Variants in NEURL1B observed in about 807,000 individuals in gnomAD.
NEURL1B encodes the protein E3 ubiquitin-protein ligase NEURL1B.
In NEURL1B, 13 loss-of-function variants were observed where a neutral mutation model predicts 37.4. The observed-to-expected ratio is 0.35, with a 90% confidence interval of 0.23 to 0.55. NEURL1B has a LOEUF of 0.55. Ranked by LOEUF, NEURL1B falls within the 20% of genes least tolerant of loss-of-function variation. The pLI, the probability that NEURL1B is intolerant of heterozygous loss-of-function variation, is 0.89. For synonymous variants in NEURL1B, 432 were observed against 426.6 expected, an observed-to-expected ratio of 1.01 and a Z score of -0.16; for missense variants, 790 against 879.2, an observed-to-expected ratio of 0.90 and a Z score of 1.28.
chr5:172,684,385 C>G (rs549415058), intron 3 of NEURL1B, among the ~76,000 whole-genome samples: 50 of 152,140 alleles, frequency 3.3e-4, no homozygotes, highest in Admixed American at 1.2e-3. Flanking sequence ...CCGACAAGTG[C>G]CCGGAGATGC....
chr5:172,671,989 A>AT (rs1372269754), intron 2 of NEURL1B, among the ~76,000 whole-genome samples: 1 of 152,106 alleles, frequency 6.6e-6, no homozygotes, highest in Non-Finnish European at 1.5e-5. Context: ...TGTGCCTCAG[A>AT]TTTTTTTTCA....
Position 172,683,889 on chromosome 5 carries a change from C to T in NEURL1B, c.1048C>T (p.Leu350=). ...FGITSCDPGV[L]RPNELPADPD... ...CATCACGTCGTGCGACCCGGGCGTG[C>T]TACGGCCCAACGAGCTGCCCGCCGA... The change falls in exon 3 of 5, where the codon CTA becomes TTA. Residue 350 remains leucine, a synonymous_variant. Transcript: ENST00000369800. This position sits in a 1 kb window ranked among gnomAD's most constrained non-coding sequence, Gnocchi z 5.6. 1 of 1,413,084 alleles carries T rather than the reference C, an allele frequency of 7.1e-7. No individual in the cohort carries two copies. Among genetic ancestry groups the T allele is most frequent in the South Asian group, 1.4e-5 (1 of 73,542 alleles). The allele number at this position is 1,413,084 out of a possible 1,614,324, so 87.5% of individuals were successfully genotyped here.
chr5:172,646,161 G>A (rs2113254262), intron 1 of NEURL1B, among the ~76,000 whole-genome samples: 1 of 152,294 alleles, frequency 6.6e-6, no homozygotes, highest in East Asian at 1.9e-4. Context: ...TGGTGTTATG[G>A]TGTTAGACTC....
At position 172,670,128 on chromosome 5, in the gene NEURL1B, G is replaced by A; in HGVS notation, c.375G>A (p.Arg125=). The A allele has an allele frequency of 1.3e-6, 2 of 1,516,154 alleles. No individual in the cohort carries two copies. Among genetic ancestry groups the A allele is most frequent in the South Asian group, 1.2e-5 (1 of 81,326 alleles). 93.9% of individuals were successfully genotyped at this position (1,516,154 alleles called of 1,614,324 possible). A position where few individuals can be genotyped will look rare whatever the true frequency, so the allele number is the denominator to read the frequency against. Residue 125 remains arginine, a synonymous_variant, in exon 2 of 5, where the codon CGG becomes CGA. Transcript: ENST00000369800. ...PKYACPDLVT[R]PGYWAKALPE... is the part of the protein sequence containing the mutation. ...ACGCCTGCCCGGACCTGGTCACGCG[G>A]CCGGGCTACTGGGCCAAGGCACTGC...
rs893719403 is a variant in NEURL1B at position 172,665,354 on chromosome 5, C to T, written c.32-4431C>T. Among the ~76,000 whole-genome samples the T allele has an allele frequency of 2.0e-5, 3 of 152,202 alleles. No individual in the cohort carries two copies. Among genetic ancestry groups the T allele is most frequent in the Non-Finnish European group, 2.9e-5 (2 of 68,028 alleles). On this transcript the variant is annotated intron_variant, in intron 1 of 4. Coordinates refer to ENST00000369800, the MANE Select transcript of NEURL1B (RefSeq NM_001142651.3). The surrounding 1 kb of genome is among the most constrained non-coding windows in gnomAD (Gnocchi z 4.1). Reference sequence around the variant, plus strand: ...GCTATCTCTGCCGATGGTCTGCACCCGGGTGCTGTTTCCCCTGCTCACTTG... The same window carrying T: ...GCTATCTCTGCCGATGGTCTGCACCTGGGTGCTGTTTCCCCTGCTCACTTG...
chr5:172,651,240 A>G (rs775298531), intron 1 of NEURL1B, among the ~76,000 whole-genome samples: 3 of 152,182 alleles, frequency 2.0e-5, no homozygotes, highest in Non-Finnish European at 2.9e-5. Flanking sequence ...TTCCAAAAGC[A>G]GTAGCTTCTC....
Position 172,684,142 on chromosome 5 carries a change from A to G in NEURL1B, c.1297+4A>G. ...GCGGGCCAGCTGCGTCTCCTCGGTG[A>G]GTCCCCGGCCCCGCGTGCGCGAGGC... On this transcript the variant is annotated splice_donor_region_variant and intron_variant, in intron 3 of 4. Coordinates refer to ENST00000369800, the MANE Select transcript of NEURL1B (RefSeq NM_001142651.3). 8.1e-7 allele frequency: 1 copy of G among 1,237,952 alleles called. No individual in the cohort carries two copies. The highest frequency in any genetic ancestry group is 3.1e-5 in the South Asian group (1 of 31,912). The allele number at this position is 1,237,952 out of a possible 1,614,324, so 76.7% of individuals were successfully genotyped here. A position where few individuals can be genotyped will look rare whatever the true frequency, so the allele number is the denominator to read the frequency against.
chr5:172,658,382 C>T (rs1445180446), intron 1 of NEURL1B, among the ~76,000 whole-genome samples: 1 of 152,172 alleles, frequency 6.6e-6, no homozygotes, highest in Non-Finnish European at 1.5e-5. Flanking sequence ...CCTCAGTCCA[C>T]ACTTACCTGC....
rs983038328 is a variant in NEURL1B at position 172,686,642 on chromosome 5, A to T, written c.1424-39A>T. 2.0e-6 allele frequency: 3 copies of T among 1,529,772 alleles called. No individual in the cohort carries two copies. In the African/African-American group the frequency reaches 4.1e-5, roughly 21 times the overall value. The allele number at this position is 1,529,772 out of a possible 1,614,324, so 94.8% of individuals were successfully genotyped here. On this transcript the variant is annotated intron_variant, in intron 4 of 4. Coordinates refer to ENST00000369800, the MANE Select transcript of NEURL1B (RefSeq NM_001142651.3). This position sits in a 1 kb window ranked among gnomAD's most constrained non-coding sequence, Gnocchi z 7.9. The stretch of plus-strand genomic sequence containing the variant: ...TGCCCCAACAGAGCCCACCTGAGAG[A>T]GACATTGTTAACATATGTCCTCTTC...
chr5:172,685,940 C>T (rs1174752023), intron 3 of NEURL1B, among the ~76,000 whole-genome samples: 1 of 152,102 alleles, frequency 6.6e-6, no homozygotes, highest in Admixed American at 6.5e-5. Context: ...ATTAGTATCC[C>T]AAAAGAACAT....
At position 172,683,612 on chromosome 5, in the gene NEURL1B, C is replaced by T. The variant is rs1315046316; in HGVS notation, c.771C>T (p.Ala257=). 3.2e-6 allele frequency: 4 copies of T among 1,261,598 alleles called. No homozygotes were observed. The highest frequency in any genetic ancestry group is 4.0e-6 in the Non-Finnish European group (4 of 1,002,876). The allele number at this position is 1,261,598 out of a possible 1,614,324, so 78.2% of individuals were successfully genotyped here. Residue 257 remains alanine, a synonymous_variant, in exon 3 of 5, where the codon GCC becomes GCT. Transcript: ENST00000369800. This position sits in a 1 kb window ranked among gnomAD's most constrained non-coding sequence, Gnocchi z 5.6. ...CACCGCCAGCCGACGCCGCGGCCGC[C>T]GCCATTCCGTGCGGGCCCCGTGAGC... ...PGPPPADAAA[A]AIPCGPRERP...
intron 1 of NEURL1B, among the ~76,000 whole-genome samples, chr5:172,655,861 CT>C (rs1757766167): frequency 6.6e-6 from 1 of 152,104 alleles, no homozygotes; most frequent in East Asian, 1.9e-4. Flanking sequence ...AGACCGCCCC[CT>C]GAGGGGAATA....
At chr5:172,650,828 CA>C (rs1757649669) in intron 1 of NEURL1B, among the ~76,000 whole-genome samples, 1 of 152,204 alleles carries the variant, frequency 6.6e-6, no homozygotes, top group Admixed American at 6.5e-5. Context: ...TTAGACCGCA[CA>C]GGCTAAACTA....
intron 1 of NEURL1B, among the ~76,000 whole-genome samples, chr5:172,656,088 C>T (rs1215961295): frequency 2.0e-5 from 3 of 152,152 alleles, no homozygotes; most frequent in Non-Finnish European, 1.5e-5. Context: ...TGTGTCGTTC[C>T]CCTATTGGCT....
rs987909010 is a variant in NEURL1B, at chr5:172,657,550, C to T, written c.32-12235C>T. 4.6e-5 allele frequency among the ~76,000 whole-genome samples: 7 copies of T among 152,122 alleles called. No homozygotes were observed. The highest frequency in any genetic ancestry group is 1.7e-4 in the African/African-American group (7 of 41,406). The stretch of plus-strand genomic sequence containing the variant: ...TAGGAATAACCGGTGGGTATAGGGT[C>T]AGGTGCTGAAGGGACATTGGGAGAA... On this transcript the variant is annotated intron_variant, in intron 1 of 4. Transcript: ENST00000369800. The surrounding 1 kb of genome is among the most constrained non-coding windows in gnomAD (Gnocchi z 4.0).
At chr5:172,656,581 C>G in intron 1 of NEURL1B, 1 of 1,611,242 alleles carries the variant, frequency 6.2e-7, no homozygotes, top group Admixed American at 1.7e-5. Context: ...GCGGCCTTCG[C>G]TTTTAGCTCC....
chr5:172,671,964 G>A (rs910574468), intron 2 of NEURL1B, among the ~76,000 whole-genome samples: 2 of 152,264 alleles, frequency 1.3e-5, no homozygotes, highest in South Asian at 2.1e-4. Flanking sequence ...CCTTGGCCAG[G>A]TAACTGAAAC....
chr5:172,685,736 G>A (rs760843157), intron 3 of NEURL1B, among the ~76,000 whole-genome samples: 3 of 152,196 alleles, frequency 2.0e-5, no homozygotes, highest in Admixed American at 6.5e-5. Context: ...TTTGCCACGG[G>A]TTGGCTCTTC....
chr5:172,662,176 T>A (rs547136448), intron 1 of NEURL1B: 13 of 153,742 alleles, frequency 8.5e-5, no homozygotes, highest in African/African-American at 3.1e-4. Flanking sequence ...TGAGTTTGCT[T>A]TGTGTCATCC....
Sources: allele counts gnomAD v4.1 joint callset (sites outside exome capture counted in the v4.1 genomes callset), GRCh38; gene constraint gnomAD v4.1.1; non-coding constraint Gnocchi (gnomAD v3.1); transcripts MANE v1.5; gene names NCBI Gene and HGNC (gene_info 2026-07-23, HGNC 2026-07-21).